The following SUGCT variants were observed in gnomAD, a reference collection of about 807,000 sequenced individuals.
The protein encoded by SUGCT is succinyl-CoA:glutarate-CoA transferase, also known as succinyl-CoA:glutarate CoA-transferase.
SUGCT carries 41 observed loss-of-function variants against 55.0 expected under a neutral mutation model. The observed-to-expected ratio is 0.74, with a 90% CI of 0.58 to 0.97. The LOEUF (loss-of-function observed/expected upper bound fraction) is 0.97. SUGCT is among the 50% of genes least tolerant of loss of function. The pLI, the probability that SUGCT is intolerant of heterozygous loss-of-function variation, is 0.00. For missense variants in SUGCT, 568 were observed against 547.8 expected (o/e 1.04, Z -0.37); for synonymous variants, 187 against 200.4 (o/e 0.93, Z 0.56).
chr7:41,016,150 G>T, the SUGCT span, among the ~76,000 whole-genome samples: 1 of 152,114 alleles, frequency 6.6e-6, no homozygotes, highest in Non-Finnish European at 1.5e-5. Context: ...TTGTAAGGGG[G>T]CATTTTTCAC....
chr7:40,397,927 C>G (rs1042718757), intron 9 of SUGCT, among the ~76,000 whole-genome samples: 1 of 152,168 alleles, frequency 6.6e-6, no homozygotes, highest in Non-Finnish European at 1.5e-5. Flanking sequence ...ATATCTGTCT[C>G]TCCTCAATCT....
chr7:40,951,292 G>A, the SUGCT span, among the ~76,000 whole-genome samples: 4 of 152,090 alleles, frequency 2.6e-5, no homozygotes, highest in African/African-American at 9.7e-5. Flanking sequence ...ATTTCTGTAG[G>A]ATCGGTGGTG....
intron 12 of SUGCT, among the ~76,000 whole-genome samples, chr7:40,498,437 T>A (rs1162720226): frequency 2.0e-5 from 3 of 152,194 alleles, no homozygotes; most frequent in African/African-American, 7.2e-5. Context: ...GTTTTCCAAA[T>A]AATCAAGTTG....
intron 6 of SUGCT, among the ~76,000 whole-genome samples, chr7:40,223,280 C>T (rs917902567): frequency 3.9e-5 from 6 of 152,116 alleles, no homozygotes; most frequent in Non-Finnish European, 5.9e-5. Context: ...AGATGGGTCT[C>T]GAATTCCTGA....
chr7:40,452,837 C>G (rs1280576554), intron 10 of SUGCT, among the ~76,000 whole-genome samples: 5 of 152,094 alleles, frequency 3.3e-5, no homozygotes, highest in African/African-American at 4.8e-5. Context: ...CCACTTACCC[C>G]GAGCACGGTG....
the SUGCT span, among the ~76,000 whole-genome samples, chr7:41,038,374 C>T: frequency 6.6e-6 from 1 of 152,216 alleles, no homozygotes; most frequent in African/African-American, 2.4e-5. Flanking sequence ...AGAAAACCCT[C>T]GAAAATGGCA....
At chr7:40,683,992 G>T (rs1189343328) in intron 12 of SUGCT, 33 of 1,598,278 alleles carry the variant, frequency 2.1e-5, no homozygotes, top group Non-Finnish European at 8.5e-7. Context: ...TGTGTTACTG[G>T]CAGAATTCAA....
intron 11 of SUGCT, among the ~76,000 whole-genome samples, chr7:40,467,300 G>T (rs568726046): frequency 6.7e-6 from 1 of 148,580 alleles, no homozygotes; most frequent in East Asian, 2.0e-4. Flanking sequence ...TTTTAAAAAA[G>T]TTTTAATTTT....
intron 9 of SUGCT, among the ~76,000 whole-genome samples, chr7:40,355,227 A>G (rs1362254434): frequency 6.6e-6 from 1 of 152,358 alleles, no homozygotes. Context: ...TGTGAGCCCC[A>G]GTGGGTTAGG....
chr7:40,989,098 T>C, the SUGCT span, among the ~76,000 whole-genome samples: 4 of 152,252 alleles, frequency 2.6e-5, no homozygotes, highest in South Asian at 8.3e-4. Context: ...TAATTGAACA[T>C]ACTTTGTTGC....
the SUGCT span, among the ~76,000 whole-genome samples, chr7:40,894,647 A>T: frequency 6.6e-6 from 1 of 152,230 alleles, no homozygotes; most frequent in Non-Finnish European, 1.5e-5. Flanking sequence ...AAAGTGGACA[A>T]AGGACATGAA....
intron 9 of SUGCT, among the ~76,000 whole-genome samples, chr7:40,365,431 G>A (rs1427425762): frequency 6.6e-6 from 1 of 151,234 alleles, no homozygotes; most frequent in Non-Finnish European, 1.5e-5. Context: ...GGCAGGAGAA[G>A]GAAATAAAGG....
intron 12 of SUGCT, among the ~76,000 whole-genome samples, chr7:40,616,456 A>G (rs1799007385): frequency 6.6e-6 from 1 of 152,272 alleles, no homozygotes; most frequent in African/African-American, 2.4e-5. Context: ...TGCTGGGATT[A>G]CAGGCATGAG....
the SUGCT span, among the ~76,000 whole-genome samples, chr7:40,969,090 A>G: frequency 6.6e-6 from 1 of 152,236 alleles, no homozygotes; most frequent in Admixed American, 6.5e-5. Flanking sequence ...ATGGCAAAGA[A>G]GTTTGTTCTG....
the SUGCT span, among the ~76,000 whole-genome samples, chr7:40,989,317 C>T: frequency 6.6e-6 from 1 of 152,194 alleles, no homozygotes; most frequent in African/African-American, 2.4e-5. Flanking sequence ...TCTACCACTG[C>T]TTTATCAACT....
At chr7:40,679,367 A>C (rs76085364) in intron 12 of SUGCT, among the ~76,000 whole-genome samples, 13,792 of 152,156 alleles carry the variant, frequency 0.091, 830 homozygotes, top group East Asian at 0.26. Flanking sequence ...ATCCCTGATA[A>C]GAACAGATGA....
At chr7:41,026,340 A>C in the SUGCT span, among the ~76,000 whole-genome samples, 1 of 152,280 alleles carries the variant, frequency 6.6e-6, no homozygotes, top group Admixed American at 6.5e-5. Flanking sequence ...CCATCCATTC[A>C]TACAACTTGC....
chr7:40,947,025 A>C, the SUGCT span, among the ~76,000 whole-genome samples: 4 of 152,100 alleles, frequency 2.6e-5, no homozygotes, highest in East Asian at 1.9e-4. Flanking sequence ...GAAATTTTTC[A>C]TGCATTTTAT....
At chr7:40,767,187 G>C (rs1788845770) in intron 13 of SUGCT, among the ~76,000 whole-genome samples, 2 of 152,046 alleles carry the variant, frequency 1.3e-5, no homozygotes, top group Non-Finnish European at 2.9e-5. Flanking sequence ...TACAGGAATT[G>C]ACCCCCTGCA....
Sources: gnomAD v4.1 joint callset for allele counts (sites outside exome capture counted in the v4.1 genomes callset) on GRCh38, gnomAD v4.1.1 for gene constraint, MANE v1.5 for transcripts, NCBI Gene and HGNC (gene_info 2026-07-23, HGNC 2026-07-21) for gene names.